Variants in EPC1 observed in about 807,000 individuals in gnomAD.
EPC1 encodes the protein enhancer of polycomb homolog 1.
A neutral mutation model predicts 98.4 loss-of-function variants in EPC1; 12 were observed. That is an observed-to-expected ratio of 0.12 (90% CI 0.08 to 0.20). EPC1 has a LOEUF of 0.20. Among genes scored for constraint, EPC1 ranks in the 10% least tolerant of loss-of-function variants. The probability of loss-of-function intolerance (pLI) is 1.00; values close to 1 mark genes in which losing one functional copy is unlikely to be tolerated. For synonymous variants in EPC1, 357 were observed against 363.9 expected, an observed-to-expected ratio of 0.98 and a Z score of 0.21; for missense variants, 729 against 990.5, an observed-to-expected ratio of 0.74 and a Z score of 3.54.
intron 13 of EPC1, among the ~76,000 whole-genome samples, chr10:32,271,303 T>C (rs1329104742): frequency 6.6e-6 from 1 of 152,212 alleles, no homozygotes; most frequent in Non-Finnish European, 1.5e-5. Context: ...ACTATTGTTA[T>C]AGTAAGAAAG....
chr10:32,330,967 G>A (rs955552007), intron 1 of EPC1, among the ~76,000 whole-genome samples: 44 of 152,062 alleles, frequency 2.9e-4, no homozygotes, highest in African/African-American at 1.0e-3. Context: ...GTAAAAGTTC[G>A]AACGTAAGAT....
chr10:32,375,956 A>C (rs777527652), intron 1 of EPC1, among the ~76,000 whole-genome samples: 1 of 151,994 alleles, frequency 6.6e-6, no homozygotes, highest in Non-Finnish European at 1.5e-5. Flanking sequence ...TTCTATAAAA[A>C]TGTTATCAAT....
At chr10:32,331,542 T>A (rs527921590) in intron 1 of EPC1, among the ~76,000 whole-genome samples, 6 of 140,934 alleles carry the variant, frequency 4.3e-5, no homozygotes, top group Non-Finnish European at 9.4e-5. Flanking sequence ...GAAAAAAAAA[T>A]AGATGACTTC....
intron 1 of EPC1, among the ~76,000 whole-genome samples, chr10:32,334,311 G>A (rs1837821861): frequency 6.6e-6 from 1 of 152,144 alleles, no homozygotes; most frequent in South Asian, 2.1e-4. Flanking sequence ...GTAACATATC[G>A]CTTTGGCTTT....
chr10:32,284,639 T>C (rs547815514), intron 10 of EPC1, 59 bp downstream of exon 10: 2 of 1,372,716 alleles, frequency 1.5e-6, no homozygotes, highest in Middle Eastern at 1.9e-4. Flanking sequence ...GTCGAACAAA[T>C]GGGAAATGGT....
intron 2 of EPC1, among the ~76,000 whole-genome samples, chr10:32,300,284 G>C (rs1835422035): frequency 6.6e-6 from 1 of 151,834 alleles, no homozygotes; most frequent in Non-Finnish European, 1.5e-5. Flanking sequence ...TAGGGTACAT[G>C]TGCACAACAT....
intron 10 of EPC1, among the ~76,000 whole-genome samples, chr10:32,279,010 C>A (rs1836253864): frequency 6.6e-6 from 1 of 152,098 alleles, no homozygotes; most frequent in Admixed American, 6.6e-5. Context: ...AGGTGCTACT[C>A]CAGACTCTGC....
chr10:32,326,628 G>A lies in EPC1; in HGVS notation c.153+20135C>T, dbSNP rs553041736. On this transcript the variant is annotated intron_variant, in intron 1 of 13. Transcript: ENST00000319778. The stretch of plus-strand genomic sequence containing the variant: ...CACTGGCTTGAAGGCCAGGCAGCAA[G>A]GAAACTTCTCAGAGGCTAGAAGGAT... 4.6e-5 allele frequency among the ~76,000 whole-genome samples: 7 copies of A among 152,226 alleles called. No individual in the cohort carries two copies. In the South Asian group the frequency reaches 1.5e-3, roughly 32 times the overall value.
At chr10:32,358,657 G>T (rs914717366) in intron 1 of EPC1, among the ~76,000 whole-genome samples, 4 of 150,694 alleles carry the variant, frequency 2.7e-5, no homozygotes, top group South Asian at 2.1e-4. Context: ...AGCGGGGGCG[G>T]GGGGGGAAGA....
chr10:32,286,148 T>C (rs1394193139), intron 9 of EPC1: 1 of 152,526 alleles, frequency 6.6e-6, no homozygotes, highest in African/African-American at 2.4e-5. Flanking sequence ...ATTCCTTGAG[T>C]TTATGTGTTT....
intron 1 of EPC1, among the ~76,000 whole-genome samples, chr10:32,310,602 A>G (rs1836152220): frequency 6.6e-6 from 1 of 152,206 alleles, no homozygotes; most frequent in Admixed American, 6.5e-5. Context: ...AAAAAATCTT[A>G]TTTGTAGTTT....
At chr10:32,300,344 A>G (rs1835430459) in intron 2 of EPC1, among the ~76,000 whole-genome samples, 2 of 151,344 alleles carry the variant, frequency 1.3e-5, no homozygotes, top group Admixed American at 6.6e-5. Context: ...TGCTGCACCC[A>G]TTAACTCGTC....
At chr10:32,312,152 CA>C (rs1045415800) in intron 1 of EPC1, among the ~76,000 whole-genome samples, 5 of 152,082 alleles carry the variant, frequency 3.3e-5, no homozygotes, top group Non-Finnish European at 5.9e-5. Context: ...TGGTGAGTGA[CA>C]AATTCTTATG....
At chr10:32,341,205 C>T (rs1465679679) in intron 1 of EPC1, among the ~76,000 whole-genome samples, 3 of 152,162 alleles carry the variant, frequency 2.0e-5, no homozygotes, top group Non-Finnish European at 2.9e-5. Flanking sequence ...AACAATTAAG[C>T]ATCCTTAACT....
At chr10:32,327,682 C>T (rs564584284) in intron 1 of EPC1, among the ~76,000 whole-genome samples, 3 of 152,010 alleles carry the variant, frequency 2.0e-5, no homozygotes, top group African/African-American at 7.3e-5. Flanking sequence ...TTACTACATA[C>T]CTAGGCTATA....
At chr10:32,269,380 C>G (rs1835728674) in intron 13 of EPC1, 3 of 345,754 alleles carry the variant, frequency 8.7e-6, no homozygotes, top group Admixed American at 4.5e-5. Context: ...CTCAAGCAAC[C>G]TAGATGTTAA....
intron 11 of EPC1, chr10:32,272,390 T>C: frequency 2.1e-6 from 1 of 472,944 alleles, no homozygotes; most frequent in East Asian, 3.4e-5. Flanking sequence ...TTGCTTCATA[T>C]GTGACAATAT....
At chr10:32,290,505 A>AAAAAAAAAAAAAAAAAAAAAAAAAGAAAG (rs1554819136) in intron 6 of EPC1, among the ~76,000 whole-genome samples, 5 of 77,472 alleles carry the variant, frequency 6.5e-5, no homozygotes, top group African/African-American at 2.8e-4. Flanking sequence ...AAAAAAAAAA[A>AAAAAAAAAAAAAAAAAAAAAAAAAGAAAG]AAAGAAAGAA....
At chr10:32,305,029 GTTT>G (rs1835795490) in intron 2 of EPC1, among the ~76,000 whole-genome samples, 1 of 151,950 alleles carries the variant, frequency 6.6e-6, no homozygotes, top group Non-Finnish European at 1.5e-5. Context: ...TCAATTATTT[GTTT>G]TTAAGTTGTT....
Sources: allele counts gnomAD v4.1 joint callset (sites outside exome capture counted in the v4.1 genomes callset), GRCh38; gene constraint gnomAD v4.1.1; transcripts MANE v1.5; gene names NCBI Gene and HGNC (gene_info 2026-07-23, HGNC 2026-07-21).